PRPF18: variants seen among roughly 807,000 people sequenced by gnomAD.
PRPF18 encodes pre-mRNA-splicing factor 18.
In PRPF18, 38 loss-of-function variants were observed where a neutral mutation model predicts 46.5. The observed-to-expected ratio is 0.82, with a 90% CI of 0.63 to 1.07. The LOEUF is 1.07. Among genes scored for constraint, PRPF18 ranks in the 50% least tolerant of loss-of-function variants. The pLI, the probability that PRPF18 is intolerant of heterozygous loss-of-function variation, is 0.00. For synonymous variants in PRPF18, 152 were observed against 146.7 expected (o/e 1.04, Z -0.26); for missense variants, 263 against 410.0 (o/e 0.64, Z 3.10).
intron 1 of PRPF18, chr10:13,591,610 A>G: frequency 1.5e-6 from 1 of 646,092 alleles, no homozygotes. Flanking sequence ...TCTTGTATTT[A>G]TCTTTTTCTG....
At chr10:13,633,772 T>G (rs1198362764), downstream of PRPF18, among the ~76,000 whole-genome samples, 2 of 152,222 alleles carry the variant, frequency 1.3e-5, no homozygotes, top group Non-Finnish European at 2.9e-5. Context: ...AAGAATAAGT[T>G]TATCCCATAG....
intron 1 of PRPF18, among the ~76,000 whole-genome samples, chr10:13,594,233 A>G (rs1336205966): frequency 6.6e-6 from 1 of 152,270 alleles, no homozygotes; most frequent in Non-Finnish European, 1.5e-5. Flanking sequence ...TGCGAAAACA[A>G]ACACTTCAGT....
the PRPF18 span, chr10:13,651,815 T>C: frequency 1.3e-6 from 1 of 771,524 alleles, no homozygotes; most frequent in Non-Finnish European, 2.4e-6. Context: ...TTCAGATGTA[T>C]CCTTGTGGAA....
chr10:13,617,770 T>C (rs1479167274), intron 9 of PRPF18, among the ~76,000 whole-genome samples: 1 of 152,192 alleles, frequency 6.6e-6, no homozygotes, highest in Non-Finnish European at 1.5e-5. Flanking sequence ...AGAATTCTGG[T>C]TTATTTTGGA....
intron 1 of PRPF18, among the ~76,000 whole-genome samples, chr10:13,590,057 A>G (rs187658113): frequency 1.3e-5 from 2 of 152,238 alleles, no homozygotes; most frequent in Admixed American, 1.3e-4. Flanking sequence ...AAGGTTCACA[A>G]CATGAATATT....
downstream of PRPF18, among the ~76,000 whole-genome samples, chr10:13,633,042 A>G (rs1020712264): frequency 4.6e-5 from 7 of 152,228 alleles, no homozygotes; most frequent in African/African-American, 1.7e-4. Flanking sequence ...AAGACAGAGC[A>G]GTATTTTTCA....
chr10:13,592,834 T>G (rs1267476025), intron 1 of PRPF18, among the ~76,000 whole-genome samples: 1 of 152,232 alleles, frequency 6.6e-6, no homozygotes, highest in African/African-American at 2.4e-5. Flanking sequence ...CAGTATTTAC[T>G]GCATCTTTCC....
At chr10:13,629,068 C>T (rs1589140150) in intron 9 of PRPF18, among the ~76,000 whole-genome samples, 2 of 152,266 alleles carry the variant, frequency 1.3e-5, no homozygotes, top group Non-Finnish European at 2.9e-5. Flanking sequence ...TTGAAAGAGA[C>T]AGGATGAAAT....
the PRPF18 span, chr10:13,652,401 G>T: frequency 5.2e-6 from 1 of 193,572 alleles, no homozygotes. Context: ...TCATATATTT[G>T]GATCAGGTGA....
the PRPF18 span, among the ~76,000 whole-genome samples, chr10:13,650,586 T>G: frequency 0.048 from 7,329 of 152,240 alleles, 498 homozygotes; most frequent in African/African-American, 0.15. Flanking sequence ...CCATTCTTCC[T>G]ACTTCAAAAA....
At chr10:13,607,020 G>T (rs972753801) in intron 4 of PRPF18, among the ~76,000 whole-genome samples, 2 of 152,174 alleles carry the variant, frequency 1.3e-5, no homozygotes, top group African/African-American at 4.8e-5. Context: ...ATTACCTGAT[G>T]ACTAAAGATG....
intron 4 of PRPF18, among the ~76,000 whole-genome samples, chr10:13,606,712 CGA>C (rs2080189229): frequency 8.9e-6 from 1 of 112,844 alleles, no homozygotes; most frequent in Admixed American, 1.4e-4. Flanking sequence ...TCCAGCCTGG[CGA>C]CAGAGTGAGA....
At chr10:13,610,242 A>C in intron 5 of PRPF18, 57 bp downstream of exon 5, 1 of 1,557,374 alleles carries the variant, frequency 6.4e-7, no homozygotes, top group Non-Finnish European at 8.8e-7. Context: ...CCTCTGGAGC[A>C]GATGACTGAG....
chr10:13,600,030 C>G (rs1358751618), intron 2 of PRPF18, among the ~76,000 whole-genome samples: 1 of 152,202 alleles, frequency 6.6e-6, no homozygotes, highest in Non-Finnish European at 1.5e-5. Context: ...GCTGATTCCT[C>G]TGTGCATGCT....
chr10:13,623,525 C>G (rs952200423), intron 9 of PRPF18, among the ~76,000 whole-genome samples: 2 of 152,142 alleles, frequency 1.3e-5, no homozygotes, highest in Admixed American at 1.3e-4. Context: ...GTGCTTTCCT[C>G]TTTAAGGCTT....
chr10:13,597,791 G>T, intron 2 of PRPF18: 1 of 696,094 alleles, frequency 1.4e-6, no homozygotes, highest in Non-Finnish European at 2.2e-6. Flanking sequence ...TGAGATCAAA[G>T]CTTGAATTTT....
At chr10:13,601,068 A>G (rs2080101568) in intron 3 of PRPF18, among the ~76,000 whole-genome samples, 1 of 152,200 alleles carries the variant, frequency 6.6e-6, no homozygotes. Flanking sequence ...GGTGTGAGCC[A>G]CCGCGCCTGG....
chr10:13,625,496 A>G (rs986512204), intron 9 of PRPF18, among the ~76,000 whole-genome samples: 1 of 152,232 alleles, frequency 6.6e-6, no homozygotes, highest in Non-Finnish European at 1.5e-5. Context: ...CAGGAAAGGT[A>G]AGAAAATAAG....
chr10:13,651,583 G>C, the PRPF18 span: 1 of 270,652 alleles, frequency 3.7e-6, no homozygotes, highest in Non-Finnish European at 7.0e-6. Context: ...GGAGCCAGGA[G>C]AATCGCTTGA....
Sources: gnomAD v4.1 joint callset for allele counts (sites outside exome capture counted in the v4.1 genomes callset) on GRCh38, gnomAD v4.1.1 for gene constraint, MANE v1.5 for transcripts, NCBI Gene and HGNC (gene_info 2026-07-23, HGNC 2026-07-21) for gene names.